Variants in KRCC1 observed in about 807,000 individuals in gnomAD.
KRCC1 encodes the protein lysine rich coiled-coil 1.
Under a neutral mutation model 7.4 loss-of-function variants are expected in KRCC1, and 3 were observed. That is an observed-to-expected ratio of 0.40 (90% CI 0.18 to 1.04). The LOEUF (loss-of-function observed/expected upper bound fraction) is 1.04, where lower values mean the gene tolerates loss of function less well. KRCC1 is among the 50% of genes least tolerant of loss of function. The probability of loss-of-function intolerance (pLI) is 0.33; values close to 1 mark genes in which losing one functional copy is unlikely to be tolerated. For missense variants in KRCC1, 277 were observed against 300.9 expected, an observed-to-expected ratio of 0.92 and a Z score of 0.59; for synonymous variants, 102 against 101.6, an observed-to-expected ratio of 1.00 and a Z score of -0.02.
At chr2:88,028,643 T>C in intron 3 of KRCC1, 58 bp from the exon 4 acceptor site, 4 of 751,426 alleles carry the variant, frequency 5.3e-6, no homozygotes, top group African/African-American at 2.1e-5. Context: ...TTTCCTTTGC[T>C]CTTTTTTTTT....
intron 1 of KRCC1, among the ~76,000 whole-genome samples, chr2:88,041,775 T>C (rs1187415016): frequency 6.6e-6 from 1 of 152,216 alleles, no homozygotes; most frequent in African/African-American, 2.4e-5. Flanking sequence ...TTATATAGTT[T>C]GAAGAACACA....
At chr2:88,029,014 G>C (rs1672941846) in intron 3 of KRCC1, among the ~76,000 whole-genome samples, 3 of 152,116 alleles carry the variant, frequency 2.0e-5, no homozygotes. Context: ...ACCTATTTCA[G>C]CATAAAAGCT....
chr2:88,037,441 TG>T lies in KRCC1; in HGVS notation c.-290-391del, dbSNP rs572659722. On this transcript the variant is annotated intron_variant, in intron 1 of 3. Transcript: ENST00000347055. ...TCACCAATGTCATCTGAGAATCACA[TG>T]GGGGAACCACAAACCATCTTTATTT... Among the ~76,000 whole-genome samples, 212 of 152,292 alleles carry T rather than the reference TG, an allele frequency of 1.4e-3. 1 individual carries two copies. The highest frequency in any genetic ancestry group is 3.4e-3 in the Middle Eastern group (1 of 294).
intron 1 of KRCC1, among the ~76,000 whole-genome samples, chr2:88,039,833 T>C (rs1385594022): frequency 6.6e-6 from 1 of 152,118 alleles, no homozygotes; most frequent in Non-Finnish European, 1.5e-5. Context: ...AGAATTATTG[T>C]ACAAAAACTG....
At chr2:88,043,340 C>T (rs1162292885) in intron 1 of KRCC1, among the ~76,000 whole-genome samples, 1 of 152,174 alleles carries the variant, frequency 6.6e-6, no homozygotes, top group Non-Finnish European at 1.5e-5. Context: ...ACTTCCATTT[C>T]ATATAAAAAG....
At chr2:88,030,167 G>T (rs934097728) in intron 3 of KRCC1, among the ~76,000 whole-genome samples, 1 of 149,692 alleles carries the variant, frequency 6.7e-6, no homozygotes, top group African/African-American at 2.5e-5. Context: ...TATTTTTGGT[G>T]ATACAGTTTA....
At chr2:88,044,548 CA>C (rs1446880662) in intron 1 of KRCC1, among the ~76,000 whole-genome samples, 3 of 151,962 alleles carry the variant, frequency 2.0e-5, no homozygotes, top group Admixed American at 6.6e-5. Flanking sequence ...TTAAAAAGGG[CA>C]AAAGGTCTGA....
chr2:88,052,625 CA>C (rs1379018882), intron 1 of KRCC1, among the ~76,000 whole-genome samples: 1 of 152,308 alleles, frequency 6.6e-6, no homozygotes, highest in African/African-American at 2.4e-5. Flanking sequence ...TCTATCTCAT[CA>C]AAAGACTTGT....
chr2:88,054,079 G>GT (rs1673558212), intron 1 of KRCC1, among the ~76,000 whole-genome samples: 2 of 152,214 alleles, frequency 1.3e-5, no homozygotes, highest in Non-Finnish European at 2.9e-5. Flanking sequence ...CCAGCAGGCT[G>GT]TTTGCAGACA....
At chr2:88,042,891 T>C (rs529265362) in intron 1 of KRCC1, among the ~76,000 whole-genome samples, 1 of 152,220 alleles carries the variant, frequency 6.6e-6, no homozygotes, top group Non-Finnish European at 1.5e-5. Context: ...ACTCTCTTCT[T>C]GCATCTAGGA....
In KRCC1 at chr2:88,027,998, A is replaced by G; in HGVS notation, c.566T>C (p.Leu189Ser). Residue 189 changes from leucine (L) to serine (S), a missense_variant, in exon 4 of 4, where the codon TTA (leucine) becomes TCA (serine). Physicochemically the swap from Leu to Ser is moderately radical, Grantham distance 145 (BLOSUM62 -2). Transcript: ENST00000347055. ...TCTTTGGATGCTCTTGTGTTTGTCT[A>G]AGTCAATTTCCTCGCAGCTTTTTTT... is the stretch of plus-strand genomic sequence containing the variant. ...KRKKSCEEID[L>S]DKHKSIQRKK... 2 of 1,613,558 alleles carry G rather than the reference A, an allele frequency of 1.2e-6. No individual in the cohort carries two copies. The highest frequency in any genetic ancestry group is 4.5e-5 in the East Asian group (2 of 44,856).
At chr2:88,041,594 A>G (rs1673211928) in intron 1 of KRCC1, among the ~76,000 whole-genome samples, 1 of 152,224 alleles carries the variant, frequency 6.6e-6, no homozygotes, top group South Asian at 2.1e-4. Context: ...CTAATTGTAT[A>G]TGTATCAAAC....
intron 3 of KRCC1, among the ~76,000 whole-genome samples, chr2:88,033,353 C>T (rs1298633555): frequency 2.0e-5 from 3 of 152,040 alleles, no homozygotes; most frequent in Non-Finnish European, 2.9e-5. Flanking sequence ...GTGAAACCTC[C>T]GTCTCTACTA....
chr2:88,029,819 ATAT>A (rs901328817), intron 3 of KRCC1, among the ~76,000 whole-genome samples: 2 of 145,016 alleles, frequency 1.4e-5, no homozygotes, highest in Non-Finnish European at 3.0e-5. Flanking sequence ...TGAAATTATA[ATAT>A]TATATATATA....
At chr2:88,043,641 G>GTATT (rs989913078) in intron 1 of KRCC1, among the ~76,000 whole-genome samples, 2 of 152,174 alleles carry the variant, frequency 1.3e-5, no homozygotes, top group African/African-American at 4.8e-5. Context: ...CCCTTACAAT[G>GTATT]TATTAGGTAC....
intron 3 of KRCC1, among the ~76,000 whole-genome samples, chr2:88,029,994 C>T (rs1181011716): frequency 6.6e-6 from 1 of 150,976 alleles, no homozygotes; most frequent in South Asian, 2.1e-4. Flanking sequence ...ACTACAGGTG[C>T]ACACCACCAC....
rs1672923546 is a variant in KRCC1, at chr2:88,028,430, C to G, written c.134G>C (p.Gly45Ala). ...TCTGGAATTAACCTCTCCTTTGTAC[C>G]CACAGGTTTCCAAATAGTCCCCTTT... ...KMKGDYLETC[G>A]YKGEVNSRPT... Residue 45 changes from glycine to alanine, a missense_variant, in exon 4 of 4, where the codon GGG becomes GCG. Coordinates refer to ENST00000347055, the MANE Select transcript of KRCC1 (RefSeq NM_016618.3). 6 of 1,614,090 alleles carry G rather than the reference C, an allele frequency of 3.7e-6. No homozygotes were observed. The highest frequency in any genetic ancestry group is 5.1e-6 in the Non-Finnish European group (6 of 1,180,006).
At chr2:88,048,642 G>A (rs1673398838) in intron 1 of KRCC1, among the ~76,000 whole-genome samples, 1 of 152,174 alleles carries the variant, frequency 6.6e-6, no homozygotes, top group South Asian at 2.1e-4. Flanking sequence ...AATAAAGACA[G>A]TATTATTTCT....
rs940461356 is a variant in KRCC1 at position 88,043,163 on chromosome 2, T to G, written c.-290-6112A>C. On this transcript the variant is annotated intron_variant, in intron 1 of 3. Transcript: ENST00000347055. ...CTTTCTACAGCAGTGGTTCTCAATC[T>G]CAATCATTTTGACCAAAACAATCTA... Among the ~76,000 whole-genome samples the G allele has an allele frequency of 3.9e-5, 6 of 152,318 alleles. No individual in the cohort carries two copies. The East Asian group carries it at 1.2e-3, about 29-fold the overall frequency.
Sources: allele counts gnomAD v4.1 joint callset (sites outside exome capture counted in the v4.1 genomes callset), GRCh38; gene constraint gnomAD v4.1.1; transcripts MANE v1.5; gene names NCBI Gene and HGNC (gene_info 2026-07-23, HGNC 2026-07-21).